Variants in LRRC7 observed in about 807,000 individuals in gnomAD.
LRRC7 encodes the protein leucine rich repeat containing 7, also known as leucine-rich repeat-containing protein 7.
LRRC7 carries 23 observed loss-of-function variants against 175.7 expected under a neutral mutation model. That is an observed-to-expected ratio of 0.13 (90% CI 0.09 to 0.19). The LOEUF (loss-of-function observed/expected upper bound fraction) is 0.19, where lower values mean the gene tolerates loss of function less well. Ranked by LOEUF, LRRC7 falls within the 10% of genes least tolerant of loss-of-function variation. The pLI, the probability that LRRC7 is intolerant of heterozygous loss-of-function variation, is 1.00. For missense variants in LRRC7, 1,354 were observed against 1,904.7 expected (o/e 0.71, Z 5.38); for synonymous variants, 685 against 680.9 (o/e 1.01, Z -0.09).
rs903187626 is a variant in LRRC7 at position 69,726,818 on chromosome 1, A to T, written c.101-33373A>T. Reference sequence around the variant, plus strand: ...CAAGGAAAAAATAACAGAATTAAATAAAAAACTGCAAAGAAAAGAAAGTCT... The same window carrying T: ...CAAGGAAAAAATAACAGAATTAAATTAAAAACTGCAAAGAAAAGAAAGTCT... On this transcript the variant is annotated intron_variant, in intron 2 of 26. Coordinates refer to ENST00000651989, the MANE Select transcript of LRRC7 (RefSeq NM_001370785.2). Among the ~76,000 whole-genome samples, 7 of 152,286 alleles carry T rather than the reference A, an allele frequency of 4.6e-5. No homozygotes were observed. In the East Asian group the frequency reaches 1.4e-3, roughly 29 times the overall value.
chr1:69,654,727 A>T (rs1656359690), intron 1 of LRRC7, among the ~76,000 whole-genome samples: 1 of 152,120 alleles, frequency 6.6e-6, no homozygotes, highest in African/African-American at 2.4e-5. Context: ...TTTCAAGGGA[A>T]GTTATACATA....
chr1:69,870,252 T>C (rs930035263), intron 7 of LRRC7, among the ~76,000 whole-genome samples: 2 of 152,088 alleles, frequency 1.3e-5, no homozygotes, highest in African/African-American at 4.8e-5. Context: ...CAACGTGTGC[T>C]AGCTATCAGG....
intron 7 of LRRC7, among the ~76,000 whole-genome samples, chr1:69,915,396 A>G (rs149321778): frequency 6.6e-6 from 1 of 152,312 alleles, no homozygotes; most frequent in African/African-American, 2.4e-5. Context: ...CTATGATTTC[A>G]CAGACTGAGA....
intron 8 of LRRC7, among the ~76,000 whole-genome samples, chr1:69,962,801 C>T (rs1315822288): frequency 6.6e-6 from 1 of 151,902 alleles, no homozygotes; most frequent in Non-Finnish European, 1.5e-5. Context: ...ATAGGGGGAA[C>T]AACACCCACT....
intron 18 of LRRC7, among the ~76,000 whole-genome samples, chr1:70,033,905 C>G (rs368211210): frequency 3.9e-5 from 6 of 151,958 alleles, no homozygotes; most frequent in Non-Finnish European, 8.8e-5. Flanking sequence ...AATTAGGTAT[C>G]ATAGGAATAT....
intron 2 of LRRC7, among the ~76,000 whole-genome samples, chr1:69,755,247 C>G (rs541878657): frequency 3.3e-5 from 5 of 151,780 alleles, no homozygotes; most frequent in African/African-American, 1.2e-4. Context: ...ATTCTTATAA[C>G]AAAGACTCCA....
intron 1 of LRRC7, among the ~76,000 whole-genome samples, chr1:69,651,185 A>G (rs1162436162): frequency 6.6e-6 from 1 of 152,208 alleles, no homozygotes; most frequent in African/African-American, 2.4e-5. Context: ...CATATACTGT[A>G]TAAGTAATTT....
chr1:69,658,658 T>G (rs1657000650), intron 1 of LRRC7, among the ~76,000 whole-genome samples: 2 of 151,934 alleles, frequency 1.3e-5, no homozygotes, highest in African/African-American at 4.8e-5. Context: ...TCCAGAAAAG[T>G]AAGTTCATTA....
chr1:69,696,333 T>G (rs1193232919), intron 2 of LRRC7, among the ~76,000 whole-genome samples: 1 of 152,226 alleles, frequency 6.6e-6, no homozygotes, highest in Non-Finnish European at 1.5e-5. Flanking sequence ...TTTGGCTGAT[T>G]TCTCCCTTTT....
chr1:70,018,075 A>G (rs1295485181), intron 14 of LRRC7, among the ~76,000 whole-genome samples: 1 of 152,064 alleles, frequency 6.6e-6, no homozygotes, highest in Non-Finnish European at 1.5e-5. Flanking sequence ...GATTTTTAGT[A>G]TATTAGATAA....
At chr1:69,813,162 T>G (rs1044762808) in intron 4 of LRRC7, among the ~76,000 whole-genome samples, 1 of 152,148 alleles carries the variant, frequency 6.6e-6, no homozygotes, top group Non-Finnish European at 1.5e-5. Context: ...ATGTTTTCTC[T>G]GCCCTCTTTA....
At chr1:69,695,088 A>T (rs1232284381) in intron 2 of LRRC7, among the ~76,000 whole-genome samples, 3 of 152,136 alleles carry the variant, frequency 2.0e-5, no homozygotes, top group Non-Finnish European at 2.9e-5. Context: ...GAAACTTTTG[A>T]GTGGCTTCTT....
chr1:69,891,696 A>G (rs540424811), intron 7 of LRRC7, among the ~76,000 whole-genome samples: 33 of 152,082 alleles, frequency 2.2e-4, no homozygotes, highest in Non-Finnish European at 7.4e-5. Flanking sequence ...CATGACACTG[A>G]ACTCCAGCCT....
rs557230605 is a variant in LRRC7 at position 69,886,126 on chromosome 1, A to G, written c.648-45381A>G. ...GGGGTGGAGAGTTCTGTAGATGTCTATTAGGTCCGGTTGGTGCAGAGCTGA... is the reference window on the plus strand; with the variant it reads ...GGGGTGGAGAGTTCTGTAGATGTCTGTTAGGTCCGGTTGGTGCAGAGCTGA... On this transcript the variant is annotated intron_variant, in intron 7 of 26. Transcript: ENST00000651989. Among the ~76,000 whole-genome samples, 378 of 151,802 alleles carry G rather than the reference A, an allele frequency of 2.5e-3. 3 individuals carry two copies. Among genetic ancestry groups the G allele is most frequent in the African/African-American group, 8.7e-3 (362 of 41,378 alleles).
At chr1:69,882,062 G>A (rs6695207) in intron 7 of LRRC7, among the ~76,000 whole-genome samples, 13,900 of 145,490 alleles carry the variant, frequency 0.096, 1,512 homozygotes, top group African/African-American at 0.27. Context: ...AAATGGAATC[G>A]ACAAAGGATG....
intron 1 of LRRC7, among the ~76,000 whole-genome samples, chr1:69,651,348 T>A (rs1489953143): frequency 6.6e-6 from 1 of 152,216 alleles, no homozygotes; most frequent in Non-Finnish European, 1.5e-5. Context: ...TCTCTATAGT[T>A]GAGAGCAAAA....
Position 69,569,906 on chromosome 1 carries a change from CAAAAAAAAAAA to C in LRRC7, c.2+1277_2+1287del, listed in dbSNP as rs71071364. 1.4e-4 allele frequency among the ~76,000 whole-genome samples: 12 copies of C among 87,104 alleles called. 1 individual carries two copies. The highest frequency in any genetic ancestry group is 2.6e-4 in the Non-Finnish European group (12 of 46,826). 57.1% of individuals were successfully genotyped at this position (87,104 alleles called of 152,430 possible). ...CGAAGTTCTCCTTCAAAAGGAATTA[CAAAAAAAAAAA>C]AAAAAAAAAAAGCGATGGGGGTGGG... On this transcript the variant is annotated intron_variant, in intron 1 of 26. Transcript: ENST00000651989.
At chr1:69,638,614 A>T (rs1653747035) in intron 1 of LRRC7, among the ~76,000 whole-genome samples, 1 of 151,706 alleles carries the variant, frequency 6.6e-6, no homozygotes, top group African/African-American at 2.4e-5. Flanking sequence ...ACTCACCCCT[A>T]ATCTGAAGAA....
intron 1 of LRRC7, among the ~76,000 whole-genome samples, chr1:69,664,883 C>A (rs763568115): frequency 6.6e-6 from 1 of 152,184 alleles, no homozygotes; most frequent in Non-Finnish European, 1.5e-5. Context: ...TTGCCCTGAT[C>A]AATGTCCTGG....
Sources: gnomAD v4.1 joint callset for allele counts (sites outside exome capture counted in the v4.1 genomes callset) on GRCh38, gnomAD v4.1.1 for gene constraint, MANE v1.5 for transcripts, NCBI Gene and HGNC (gene_info 2026-07-23, HGNC 2026-07-21) for gene names.